Variants in TNRC6C observed in about 807,000 individuals in gnomAD.
The protein encoded by TNRC6C is trinucleotide repeat containing adaptor 6C.
A neutral mutation model predicts 153.7 loss-of-function variants in TNRC6C; 20 were observed. That is an observed-to-expected ratio of 0.13 (90% confidence interval 0.09 to 0.19). The LOEUF (loss-of-function observed/expected upper bound fraction) is 0.19, where lower values mean the gene tolerates loss of function less well. Ranked by LOEUF, TNRC6C falls within the 10% of genes least tolerant of loss-of-function variation. The probability of loss-of-function intolerance (pLI) is 1.00; values close to 1 mark genes in which losing one functional copy is unlikely to be tolerated. For synonymous variants in TNRC6C, 811 were observed against 841.4 expected (o/e 0.96, Z 0.63); for missense variants, 1,987 against 2,172.0 (o/e 0.91, Z 1.69).
At chr17:78,001,693 A>G (rs1343386467), upstream of TNRC6C, among the ~76,000 whole-genome samples, 1 of 152,202 alleles carries the variant, frequency 6.6e-6, no homozygotes, top group Non-Finnish European at 1.5e-5. Context: ...ATCTTTGTAA[A>G]AATGTTTAAG....
chr17:78,080,965 G>C (rs2144412005), intron 10 of TNRC6C, among the ~76,000 whole-genome samples: 1 of 152,224 alleles, frequency 6.6e-6, no homozygotes, highest in South Asian at 2.1e-4. Flanking sequence ...TGGTGTCTTA[G>C]TCCATTTGGG....
At chr17:77,974,830 A>G (rs773517629) in intron 1 of TNRC6C, among the ~76,000 whole-genome samples, 4 of 152,368 alleles carry the variant, frequency 2.6e-5, no homozygotes, top group Non-Finnish European at 1.5e-5. Context: ...ACCGAGGAGA[A>G]AACAGAGACC....
Position 78,104,468 on chromosome 17 carries a change from C to T in TNRC6C, c.4713-17C>T, listed in dbSNP as rs757602515. 8 of 1,477,456 alleles carry T rather than the reference C, an allele frequency of 5.4e-6. No individual in the cohort carries two copies. In the Admixed American group the frequency reaches 1.6e-4, roughly 30 times the overall value. The allele number at this position is 1,477,456 out of a possible 1,614,324, so 91.5% of individuals were successfully genotyped here. A position where few individuals can be genotyped will look rare whatever the true frequency, so the allele number is the denominator to read the frequency against. On this transcript the variant is annotated splice_polypyrimidine_tract_variant and intron_variant, in intron 19 of 19. Transcript: ENST00000301624. The surrounding 1 kb of genome is among the most constrained non-coding windows in gnomAD (Gnocchi z 6.2). ...CTTGGGGTGGCCCTGTTCACGTGCC[C>T]CATCTTGCTGTTGCAGGTGCGTCCT...
chr17:77,959,061 A>ACGCGCCGCCGCCCACTCGCC (rs1293083875), upstream of TNRC6C, among the ~76,000 whole-genome samples: 183 of 138,954 alleles, frequency 1.3e-3, 1 homozygote, highest in African/African-American at 4.2e-3. Flanking sequence ...ACCTGCCGGG[A>ACGCGCCGCCGCCCACTCGCC]CGCGCCGCCG....
intron 1 of TNRC6C, among the ~76,000 whole-genome samples, chr17:78,006,289 G>A (rs1010732330): frequency 2.0e-5 from 3 of 152,166 alleles, no homozygotes; most frequent in African/African-American, 7.2e-5. Context: ...AAGCAGCATA[G>A]CAAAAAGGAC....
chr17:78,094,649 A>T (rs1023431560), intron 16 of TNRC6C, among the ~76,000 whole-genome samples: 1 of 152,136 alleles, frequency 6.6e-6, no homozygotes, highest in African/African-American at 2.4e-5. Flanking sequence ...CATGTTTGCC[A>T]GGCTGATCTC....
Position 78,049,719 on chromosome 17 carries a change from G to A in TNRC6C, c.657G>A (p.Pro219=), listed in dbSNP as rs779628841. Residue 219 remains proline, a synonymous_variant, in exon 3 of 20, where the codon CCG becomes CCA. Coordinates refer to ENST00000301624, the Ensembl canonical transcript of TNRC6C. The surrounding 1 kb of genome is among the most constrained non-coding windows in gnomAD (Gnocchi z 4.1). ...CTGTTGGTATGGGGGCCATCATCCC[G>A]CCCCACCTGCAAGGCCTTCCTGGTG... 2.9e-5 allele frequency: 46 copies of A among 1,597,222 alleles called. No individual in the cohort carries two copies. Among genetic ancestry groups the A allele is most frequent in the East Asian group, 6.7e-5 (3 of 44,724 alleles).
In TNRC6C at chr17:78,091,667, T is replaced by G. The variant is rs530771434; in HGVS notation, c.3970+60T>G. ...CTGCTGGCTTATTAATCGATCGTCC[T>G]GTTGTATAGCATGGCCATTCTATAC... is the stretch of plus-strand genomic sequence containing the variant. On this transcript the variant is annotated intron_variant, in intron 14 of 19. Coordinates refer to ENST00000301624, the Ensembl canonical transcript of TNRC6C. 500 of 1,352,366 alleles carry G rather than the reference T, an allele frequency of 3.7e-4. 1 individual carries two copies. The highest frequency in any genetic ancestry group is 1.4e-3 in the South Asian group (73 of 51,558). 83.8% of individuals were successfully genotyped at this position (1,352,366 alleles called of 1,614,324 possible).
At chr17:77,965,999 T>G (rs2070893915) in intron 1 of TNRC6C, among the ~76,000 whole-genome samples, 1 of 152,174 alleles carries the variant, frequency 6.6e-6, no homozygotes, top group South Asian at 2.1e-4. Context: ...AGAGGGCCTG[T>G]GGGCTGCAGT....
chr17:78,018,647 T>A (rs1567917924), intron 1 of TNRC6C, among the ~76,000 whole-genome samples: 2 of 152,158 alleles, frequency 1.3e-5, no homozygotes, highest in Non-Finnish European at 2.9e-5. Flanking sequence ...TGGTGAACCA[T>A]GTATCTTACT....
intron 1 of TNRC6C, among the ~76,000 whole-genome samples, chr17:78,014,510 A>G (rs191982663): frequency 2.0e-5 from 3 of 151,828 alleles, no homozygotes; most frequent in African/African-American, 7.3e-5. Context: ...TACATAGTAC[A>G]TTTTCTTACA....
intron 1 of TNRC6C, among the ~76,000 whole-genome samples, chr17:78,008,216 A>T (rs897670623): frequency 1.3e-5 from 2 of 152,246 alleles, no homozygotes; most frequent in Admixed American, 1.3e-4. Flanking sequence ...GAATAACTTA[A>T]TATAATATGT....
Position 78,072,478 on chromosome 17 carries a change from A to G in TNRC6C, c.2860-559A>G, listed in dbSNP as rs532050029. ...GGAGATGGGCCTCACTGGGACAGGA[A>G]TCCTGTCCTAGGAGAGCATCCTGTC... On this transcript the variant is annotated intron_variant, in intron 6 of 19. Transcript: ENST00000301624. Among the ~76,000 whole-genome samples the G allele has an allele frequency of 3.3e-5, 5 of 152,312 alleles. No homozygotes were observed. In the East Asian group the frequency reaches 5.8e-4, roughly 18 times the overall value.
In TNRC6C at chr17:78,038,361, G is replaced by A. The variant is rs145039256; in HGVS notation, c.-219+6519G>A. Among the ~76,000 whole-genome samples the A allele has an allele frequency of 1.7e-3, 252 of 152,188 alleles. 1 individual carries two copies. The highest frequency in any genetic ancestry group is 5.8e-3 in the African/African-American group (239 of 41,512). ...GAAGATCATAGAACTACCACAAATG[G>A]GTCCTAAGTATGTTGAAAGTATTCC... On this transcript the variant is annotated intron_variant, in intron 2 of 19. Transcript: ENST00000301624.
chr17:78,056,454 G>A (rs576170970), intron 3 of TNRC6C, among the ~76,000 whole-genome samples: 2 of 150,406 alleles, frequency 1.3e-5, no homozygotes, highest in East Asian at 2.0e-4. Context: ...CACCATGGCC[G>A]GCCCAGAAAC....
In TNRC6C at chr17:78,075,340, T is replaced by C. The variant is rs912009733; in HGVS notation, c.3060+62T>C. On this transcript the variant is annotated intron_variant, in intron 8 of 19. Transcript: ENST00000301624. The surrounding 1 kb of genome is among the most constrained non-coding windows in gnomAD (Gnocchi z 4.2). ...AACAAGAGGAGTTTTTCATTTCAAC[T>C]GTGTCCTTAATACAAGCCAGATTAA... 39 of 1,532,746 alleles carry C rather than the reference T, an allele frequency of 2.5e-5. No homozygotes were observed. The Admixed American group carries it at 7.8e-4, about 31-fold the overall frequency. The allele number at this position is 1,532,746 out of a possible 1,614,324, so 94.9% of individuals were successfully genotyped here.
Position 78,049,241 on chromosome 17 carries a change from C to G in TNRC6C, c.179C>G (p.Ser60Cys), listed in dbSNP as rs540153837. Residue 60 changes from serine (S) to cysteine (C), a missense_variant, in exon 3 of 20, where the codon TCT (serine) becomes TGT (cysteine). Coordinates refer to ENST00000301624, the Ensembl canonical transcript of TNRC6C. The surrounding 1 kb of genome is among the most constrained non-coding windows in gnomAD (Gnocchi z 4.1). ...TGGGGTGTAGCCACAGGCTCCAGCT[C>G]TGGCCTGGCTCACTGCTCTGTCAGT... 6.2e-7 allele frequency: 1 copy of G among 1,611,250 alleles called. No homozygotes were observed. The highest frequency in any genetic ancestry group is 1.1e-5 in the South Asian group (1 of 90,554).
chr17:77,987,724 AG>A (rs1330891983), intron 1 of TNRC6C, among the ~76,000 whole-genome samples: 3 of 152,060 alleles, frequency 2.0e-5, no homozygotes, highest in Non-Finnish European at 2.9e-5. Context: ...CCCAGGCTGG[AG>A]TGCAGTGGCG....
intron 6 of TNRC6C, among the ~76,000 whole-genome samples, chr17:78,072,230 C>A (rs1271239282): frequency 6.6e-6 from 1 of 152,184 alleles, no homozygotes; most frequent in Admixed American, 6.5e-5. Flanking sequence ...TTCAGCGTGT[C>A]CTGATTTATA....
Sources: gnomAD v4.1 joint callset for allele counts (sites outside exome capture counted in the v4.1 genomes callset) on GRCh38, gnomAD v4.1.1 for gene constraint, Gnocchi (gnomAD v3.1) non-coding constraint, MANE v1.5 for transcripts, NCBI Gene and HGNC (gene_info 2026-07-23, HGNC 2026-07-21) for gene names.